The following ARHGAP42 variants were observed in gnomAD, a reference collection of about 807,000 sequenced individuals.
The protein encoded by ARHGAP42 is rho GTPase-activating protein 42.
Under a neutral mutation model 125.0 loss-of-function variants are expected in ARHGAP42, and 63 were observed. The observed-to-expected ratio is 0.50, with a 90% CI of 0.41 to 0.62. The LOEUF is 0.62. ARHGAP42 is among the 20% of genes least tolerant of loss of function. The pLI, the probability that ARHGAP42 is intolerant of heterozygous loss-of-function variation, is 0.00. For synonymous variants in ARHGAP42, 339 were observed against 351.0 expected, an observed-to-expected ratio of 0.97 and a Z score of 0.38; for missense variants, 766 against 1,024.2, an observed-to-expected ratio of 0.75 and a Z score of 3.44.
At chr11:100,715,939 G>A (rs1294532760) in intron 1 of ARHGAP42, among the ~76,000 whole-genome samples, 3 of 152,216 alleles carry the variant, frequency 2.0e-5, no homozygotes, top group Admixed American at 1.3e-4. Context: ...TGCAGTCAGC[G>A]TGTCTTCGAG....
At chr11:100,792,316 A>T (rs1863585493) in intron 2 of ARHGAP42, among the ~76,000 whole-genome samples, 2 of 152,198 alleles carry the variant, frequency 1.3e-5, no homozygotes, top group Admixed American at 1.3e-4. Flanking sequence ...AAGCATTTGT[A>T]GCATGTTTTA....
In ARHGAP42 at chr11:100,779,525, CATGCGTATAT is replaced by C. The variant is rs376510706; in HGVS notation, c.250+9090_250+9099del. On this transcript the variant is annotated intron_variant, in intron 2 of 23. Transcript: ENST00000298815. The stretch of plus-strand genomic sequence containing the variant: ...ATATACACGTATATATATACGTATA[CATGCGTATAT>C]ATACGTATATATATACATATACATA... 9.8e-5 allele frequency among the ~76,000 whole-genome samples: 13 copies of C among 132,210 alleles called. 1 individual carries two copies. Among genetic ancestry groups the C allele is most frequent in the Non-Finnish European group, 2.1e-4 (13 of 62,776 alleles). The allele number at this position is 132,210 out of a possible 152,430, so 86.7% of individuals were successfully genotyped here.
chr11:100,769,407 ACTT>A (rs1356909401), intron 1 of ARHGAP42, among the ~76,000 whole-genome samples: 1 of 152,160 alleles, frequency 6.6e-6, no homozygotes, highest in Non-Finnish European at 1.5e-5. Flanking sequence ...CCAGGGATTT[ACTT>A]CTTATTATTC....
intron 4 of ARHGAP42, among the ~76,000 whole-genome samples, chr11:100,897,404 G>A (rs1235676542): frequency 3.3e-5 from 5 of 152,022 alleles, no homozygotes; most frequent in Admixed American, 3.3e-4. Flanking sequence ...GATGGGGATG[G>A]CATTGAATCT....
intron 3 of ARHGAP42, among the ~76,000 whole-genome samples, chr11:100,845,790 A>T (rs977509484): frequency 6.6e-6 from 1 of 152,122 alleles, no homozygotes; most frequent in Non-Finnish European, 1.5e-5. Flanking sequence ...TTTGTACCTT[A>T]GTAATGTAGA....
chr11:100,924,500 C>A (rs541483722), intron 6 of ARHGAP42, among the ~76,000 whole-genome samples: 25 of 151,906 alleles, frequency 1.6e-4, no homozygotes, highest in Admixed American at 7.2e-4. Flanking sequence ...AACCCCGTCT[C>A]TACTAAAAAT....
intron 21 of ARHGAP42, 44 bp downstream of exon 21, chr11:100,977,015 G>T (rs540694080): frequency 2.2e-4 from 342 of 1,544,102 alleles, no homozygotes; most frequent in Middle Eastern, 5.0e-4. Context: ...CAGGGATACA[G>T]AGAGGAGTTG....
At chr11:100,756,937 T>C (rs1862592334) in intron 1 of ARHGAP42, among the ~76,000 whole-genome samples, 2 of 152,224 alleles carry the variant, frequency 1.3e-5, no homozygotes, top group African/African-American at 2.4e-5. Context: ...AGATTTATTT[T>C]TATGCTTTCT....
At chr11:100,743,832 A>G (rs1862237784) in intron 1 of ARHGAP42, among the ~76,000 whole-genome samples, 2 of 152,222 alleles carry the variant, frequency 1.3e-5, no homozygotes, top group South Asian at 4.1e-4. Flanking sequence ...TTTCAGGAGA[A>G]GATGAAATTC....
At chr11:100,877,250 C>G (rs1865841289) in intron 4 of ARHGAP42, among the ~76,000 whole-genome samples, 1 of 152,010 alleles carries the variant, frequency 6.6e-6, no homozygotes, top group South Asian at 2.1e-4. Flanking sequence ...AAAACTAAAG[C>G]TCAGATGCAG....
chr11:100,733,190 CA>C (rs1861990627), intron 1 of ARHGAP42, among the ~76,000 whole-genome samples: 1 of 152,136 alleles, frequency 6.6e-6, no homozygotes, highest in Admixed American at 6.5e-5. Context: ...TGACTCATGA[CA>C]AGTTAATCAA....
chr11:100,732,199 C>A (rs1343579329), intron 1 of ARHGAP42, among the ~76,000 whole-genome samples: 2 of 152,096 alleles, frequency 1.3e-5, no homozygotes, highest in African/African-American at 4.8e-5. Context: ...TCAGGTGATC[C>A]TCCCGCATCA....
intron 4 of ARHGAP42, among the ~76,000 whole-genome samples, chr11:100,906,593 C>T (rs112391139): frequency 0.088 from 13,416 of 151,704 alleles, 703 homozygotes; most frequent in Non-Finnish European, 0.11. Context: ...AAAAAAAATT[C>T]ATTCTGGAAA....
intron 1 of ARHGAP42, among the ~76,000 whole-genome samples, chr11:100,730,750 A>C (rs545339455): frequency 4.3e-4 from 66 of 152,384 alleles, no homozygotes; most frequent in African/African-American, 1.6e-3. Context: ...TTGTGTGAAC[A>C]TCATAGAATG....
intron 1 of ARHGAP42, among the ~76,000 whole-genome samples, chr11:100,742,187 G>A (rs1405463480): frequency 5.9e-5 from 9 of 152,186 alleles, no homozygotes; most frequent in African/African-American, 2.2e-4. Flanking sequence ...GCTAACTCCT[G>A]GATGAGAGAG....
intron 4 of ARHGAP42, among the ~76,000 whole-genome samples, chr11:100,895,785 G>A (rs890853918): frequency 6.6e-6 from 1 of 151,962 alleles, no homozygotes; most frequent in Non-Finnish European, 1.5e-5. Context: ...CTATTACAGG[G>A]TTCTATTACA....
Position 100,756,672 on chromosome 11 carries a change from G to C in ARHGAP42, c.155-13671G>C, listed in dbSNP as rs566997584. Among the ~76,000 whole-genome samples, 8 of 152,322 alleles carry C rather than the reference G, an allele frequency of 5.3e-5. No homozygotes were observed. The East Asian group carries it at 1.5e-3, about 29-fold the overall frequency. On this transcript the variant is annotated intron_variant, in intron 1 of 23. Transcript: ENST00000298815. ...TGAAAGTCTCTTTTATTTGCAGTAA[G>C]ATGATAATTAGAGATAACATGTCTT...
intron 1 of ARHGAP42, among the ~76,000 whole-genome samples, chr11:100,721,205 A>T (rs1861752222): frequency 1.3e-5 from 2 of 152,200 alleles, no homozygotes; most frequent in Admixed American, 1.3e-4. Flanking sequence ...CTACCTTTGC[A>T]GTCCCATGTA....
intron 1 of ARHGAP42, among the ~76,000 whole-genome samples, chr11:100,753,365 A>G (rs11224430): frequency 0.061 from 9,320 of 152,130 alleles, 375 homozygotes; most frequent in East Asian, 0.19. Context: ...TCTTTGCTCA[A>G]TACTGCCCCA....
Sources: gnomAD v4.1 joint callset for allele counts (sites outside exome capture counted in the v4.1 genomes callset) on GRCh38, gnomAD v4.1.1 for gene constraint, MANE v1.5 for transcripts, NCBI Gene and HGNC (gene_info 2026-07-23, HGNC 2026-07-21) for gene names.